SLC28A1: variants seen among roughly 807,000 people sequenced by gnomAD.
The protein encoded by SLC28A1 is sodium/nucleoside cotransporter 1.
SLC28A1 carries 64 observed loss-of-function variants against 74.8 expected under a neutral mutation model. That is an observed-to-expected ratio of 0.86 (90% CI 0.70 to 1.05). The LOEUF (loss-of-function observed/expected upper bound fraction) is 1.05, where lower values mean the gene tolerates loss of function less well. SLC28A1 is among the 50% of genes least tolerant of loss of function. The pLI, the probability that SLC28A1 is intolerant of heterozygous loss-of-function variation, is 0.00. For synonymous variants in SLC28A1, 359 were observed against 335.0 expected (o/e 1.07, Z -0.78); for missense variants, 828 against 822.8 (o/e 1.01, Z -0.08).
chr15:84,938,433 C>A (rs1373099504), intron 15 of SLC28A1: 1 of 152,104 alleles, frequency 6.6e-6, no homozygotes, highest in Non-Finnish European at 1.5e-5. Flanking sequence ...TAGAATGCTT[C>A]ATGAATTTGC....
At position 84,918,519 on chromosome 15, in the gene SLC28A1, G is replaced by T; in HGVS notation, c.796-5G>T. On this transcript the variant is annotated splice_polypyrimidine_tract_variant and splice_region_variant and intron_variant, in intron 9 of 18. Transcript: ENST00000394573. Reference sequence around the variant, plus strand: ...CCTGCGGTCCTATGATCTCCTTCCCGGCAGGTTCTGCCCATCATTGTCTTT... The same window carrying T: ...CCTGCGGTCCTATGATCTCCTTCCCTGCAGGTTCTGCCCATCATTGTCTTT... 1 of 1,612,858 alleles carries T rather than the reference G, an allele frequency of 6.2e-7. No individual in the cohort carries two copies. Among genetic ancestry groups the T allele is most frequent in the Non-Finnish European group, 8.5e-7 (1 of 1,178,996 alleles).
At chr15:84,930,614 CTTTTT>C (rs10609233) in intron 12 of SLC28A1, among the ~76,000 whole-genome samples, 1 of 103,500 alleles carries the variant, frequency 9.7e-6, no homozygotes, top group African/African-American at 4.1e-5. Flanking sequence ...CTGCCCTCTG[CTTTTT>C]TTTTTTTTTT....
intron 15 of SLC28A1, among the ~76,000 whole-genome samples, chr15:84,937,645 T>A (rs941685325): frequency 2.6e-5 from 4 of 152,198 alleles, no homozygotes; most frequent in Non-Finnish European, 5.9e-5. Flanking sequence ...CTCACACCTG[T>A]AATCCCAGCA....
the SLC28A1 span, among the ~76,000 whole-genome samples, chr15:84,960,338 C>T: frequency 4.1e-5 from 6 of 145,186 alleles, no homozygotes; most frequent in African/African-American, 1.5e-4. Flanking sequence ...TCACTGCAAC[C>T]TCCGCCCCTG....
At chr15:84,963,602 G>A in the SLC28A1 span, among the ~76,000 whole-genome samples, 9 of 152,070 alleles carry the variant, frequency 5.9e-5, no homozygotes, top group Non-Finnish European at 8.8e-5. Context: ...CATGGCCAGG[G>A]AGGGTACCTA....
At chr15:84,886,483 G>C (rs368058107) in intron 1 of SLC28A1, 189 bp from the exon 2 acceptor site, 1 of 985,312 alleles carries the variant, frequency 1.0e-6, no homozygotes, top group Non-Finnish European at 1.2e-6. Flanking sequence ...GCAGAGGAGG[G>C]CATCTCTGAT....
At chr15:84,930,579 GATGGTA>G (rs1455710487) in intron 12 of SLC28A1, among the ~76,000 whole-genome samples, 1 of 151,376 alleles carries the variant, frequency 6.6e-6, no homozygotes, top group African/African-American at 2.4e-5. Flanking sequence ...ACTTCCCTGA[GATGGTA>G]ATGAGGGGTG....
chr15:84,920,455 A>AGG (rs1477320979), intron 10 of SLC28A1, among the ~76,000 whole-genome samples: 1 of 69,524 alleles, frequency 1.4e-5, no homozygotes, highest in Non-Finnish European at 2.9e-5. Flanking sequence ...TGGAAAGGAA[A>AGG]GGAAAGGAAA....
chr15:84,896,917 A>G (rs1259781523), intron 6 of SLC28A1, among the ~76,000 whole-genome samples: 1 of 152,210 alleles, frequency 6.6e-6, no homozygotes, highest in Non-Finnish European at 1.5e-5. Context: ...AATGTCCAGA[A>G]TGGGCAAATC....
At chr15:84,906,504 GTTT>G (rs1567139503) in intron 8 of SLC28A1, among the ~76,000 whole-genome samples, 12 of 10,628 alleles carry the variant, frequency 1.1e-3, no homozygotes, top group African/African-American at 2.6e-3. Context: ...AACATGGTTT[GTTT>G]GTTTGTTTGT....
chr15:84,899,909 G>GAA, intron 6 of SLC28A1, among the ~76,000 whole-genome samples: 1 of 131,266 alleles, frequency 7.6e-6, no homozygotes, highest in Non-Finnish European at 1.7e-5. Context: ...AAGAAAGAAA[G>GAA]AGAAAGAGGG....
chr15:84,918,474 T>C (rs1382345374), intron 9 of SLC28A1, 50 bp from the exon 10 acceptor site: 4 of 1,485,296 alleles, frequency 2.7e-6, no homozygotes, highest in African/African-American at 2.8e-5. Flanking sequence ...CCTGGCACCC[T>C]GCATCCTGCC....
chr15:84,932,074 T>C (rs898336898), intron 12 of SLC28A1, among the ~76,000 whole-genome samples: 2 of 152,008 alleles, frequency 1.3e-5, no homozygotes, highest in African/African-American at 2.4e-5. Flanking sequence ...TCATTGCCAT[T>C]TTGGTGTATT....
chr15:84,974,473 C>CAA, the SLC28A1 span, among the ~76,000 whole-genome samples: 1 of 152,328 alleles, frequency 6.6e-6, no homozygotes, highest in East Asian at 1.9e-4. Context: ...CCTCTCCAAT[C>CAA]AAGTAACGAT....
intron 9 of SLC28A1, among the ~76,000 whole-genome samples, chr15:84,910,378 G>A (rs550411185): frequency 8.5e-5 from 13 of 152,288 alleles, no homozygotes; most frequent in Admixed American, 7.2e-4. Flanking sequence ...TCTGCTTCAG[G>A]GTGACCTCTG....
At chr15:84,913,038 G>A (rs1190870628) in intron 9 of SLC28A1, among the ~76,000 whole-genome samples, 2 of 152,102 alleles carry the variant, frequency 1.3e-5, no homozygotes, top group African/African-American at 4.8e-5. Flanking sequence ...AGGCAGAAAT[G>A]GGAATGAGGG....
intron 6 of SLC28A1, among the ~76,000 whole-genome samples, chr15:84,901,954 C>G (rs553780987): frequency 4.6e-5 from 7 of 152,246 alleles, no homozygotes; most frequent in Middle Eastern, 3.4e-3. Flanking sequence ...CTGGAAATCA[C>G]CAAAATGTCC....
intron 12 of SLC28A1, among the ~76,000 whole-genome samples, chr15:84,924,501 C>G (rs1970244979): frequency 6.6e-6 from 1 of 152,142 alleles, no homozygotes; most frequent in Non-Finnish European, 1.5e-5. Flanking sequence ...AGAGATCCGT[C>G]CTACTCCTTC....
chr15:84,965,585 T>A, the SLC28A1 span, among the ~76,000 whole-genome samples: 1,245 of 152,288 alleles, frequency 8.2e-3, 19 homozygotes, highest in African/African-American at 0.028. Context: ...GGCACATAAC[T>A]AAGTTTTGGC....
Sources: gnomAD v4.1 joint callset for allele counts (sites outside exome capture counted in the v4.1 genomes callset) on GRCh38, gnomAD v4.1.1 for gene constraint, MANE v1.5 for transcripts, NCBI Gene and HGNC (gene_info 2026-07-23, HGNC 2026-07-21) for gene names.